The following MACROD2 variants were observed in gnomAD, a reference collection of about 807,000 sequenced individuals.
MACROD2 encodes ADP-ribose glycohydrolase MACROD2.
Under a neutral mutation model 70.4 loss-of-function variants are expected in MACROD2, and 36 were observed. The ratio of observed to expected loss-of-function variants is 0.51; its 90% confidence interval spans 0.39 to 0.68. The LOEUF (loss-of-function observed/expected upper bound fraction) is 0.68. MACROD2 is among the 30% of genes least tolerant of loss of function. MACROD2 has a pLI of 0.00. For synonymous variants in MACROD2, 172 were observed against 178.8 expected (o/e 0.96, Z 0.30); for missense variants, 496 against 538.4 (o/e 0.92, Z 0.78).
chr20:14,489,623 A>G (rs748245154), intron 3 of MACROD2, among the ~76,000 whole-genome samples: 16 of 152,172 alleles, frequency 1.1e-4, no homozygotes, highest in Non-Finnish European at 2.2e-4. Flanking sequence ...AATAAACTAA[A>G]CTAGGTGGTC....
intron 8 of MACROD2, among the ~76,000 whole-genome samples, chr20:15,813,675 A>T (rs1264966346): frequency 6.6e-6 from 1 of 152,170 alleles, no homozygotes; most frequent in Non-Finnish European, 1.5e-5. Flanking sequence ...GCTACCCAGG[A>T]GGCTGAGGTA....
chr20:14,056,544 G>A (rs1441142906), intron 2 of MACROD2, among the ~76,000 whole-genome samples: 2 of 151,622 alleles, frequency 1.3e-5, no homozygotes, highest in Admixed American at 6.6e-5. Context: ...TGCTGTTTTT[G>A]TTATTTTCTA....
chr20:14,303,293 G>C (rs919034029), intron 3 of MACROD2, among the ~76,000 whole-genome samples: 1 of 152,146 alleles, frequency 6.6e-6, no homozygotes, highest in Non-Finnish European at 1.5e-5. Context: ...GGGGATCAGC[G>C]GATCTTTTAA....
Position 14,766,085 on chromosome 20 carries a change from G to A in MACROD2, c.418+81126G>A, listed in dbSNP as rs570665186. Among the ~76,000 whole-genome samples the A allele has an allele frequency of 5.7e-4, 87 of 152,084 alleles. 1 individual carries two copies. Among genetic ancestry groups the A allele is most frequent in the African/African-American group, 2.0e-3 (82 of 41,440 alleles). On this transcript the variant is annotated intron_variant, in intron 5 of 17. Coordinates refer to ENST00000684519, the MANE Select transcript of MACROD2 (RefSeq NM_001351661.2). ...CCATTCACATTGCCCTCACACTTAC[G>A]ATTCACTAGAAAGCTGTTTATCTCA...
intron 7 of MACROD2, among the ~76,000 whole-genome samples, chr20:15,451,417 T>TAAA (rs35308671): frequency 0.26 from 21,583 of 83,328 alleles, 5,168 homozygotes; most frequent in Non-Finnish European, 0.36. Context: ...GGGTGGTAAA[T>TAAA]AAAAAAAAAA....
rs186713985 is a variant in MACROD2, at chr20:14,702,711, G to A, written c.418+17752G>A. The stretch of plus-strand genomic sequence containing the variant: ...TGTATATATATGTATATATATGTGT[G>A]TATATATATGTGTATATATATATAT... On this transcript the variant is annotated intron_variant, in intron 5 of 17. Transcript: ENST00000684519. 2.1e-3 allele frequency among the ~76,000 whole-genome samples: 303 copies of A among 141,512 alleles called. 5 individuals are homozygous for A. Among genetic ancestry groups the A allele is most frequent in the Middle Eastern group, 7.4e-3 (2 of 270 alleles). The allele number at this position is 141,512 out of a possible 152,430, so 92.8% of individuals were successfully genotyped here.
intron 5 of MACROD2, among the ~76,000 whole-genome samples, chr20:14,786,030 G>A (rs1369119008): frequency 2.0e-5 from 3 of 151,980 alleles, no homozygotes; most frequent in South Asian, 2.1e-4. Flanking sequence ...TAAAAAGAAG[G>A]GAAGAATGGC....
intron 13 of MACROD2, among the ~76,000 whole-genome samples, chr20:15,977,997 A>G (rs1377319627): frequency 6.6e-6 from 1 of 152,194 alleles, no homozygotes; most frequent in Non-Finnish European, 1.5e-5. Context: ...GTATCTAGGG[A>G]CAGTCTGGCA....
At chr20:15,019,528 C>A (rs1316190070) in intron 5 of MACROD2, among the ~76,000 whole-genome samples, 1 of 152,110 alleles carries the variant, frequency 6.6e-6, no homozygotes, top group Non-Finnish European at 1.5e-5. Flanking sequence ...AAGTTGGTAC[C>A]ACTTATGGCC....
chr20:15,622,342 C>T (rs537993594), intron 8 of MACROD2, among the ~76,000 whole-genome samples: 1 of 152,278 alleles, frequency 6.6e-6, no homozygotes, highest in South Asian at 2.1e-4. Context: ...AGCAGTGCCC[C>T]CTTATTTGTG....
chr20:15,531,244 C>T (rs1164688458), intron 8 of MACROD2, among the ~76,000 whole-genome samples: 1 of 151,388 alleles, frequency 6.6e-6, no homozygotes, highest in Non-Finnish European at 1.5e-5. Context: ...TTGTATTTTA[C>T]TTCTCTGAAA....
chr20:14,016,708 T>G (rs1412728032), intron 2 of MACROD2, among the ~76,000 whole-genome samples: 1 of 152,186 alleles, frequency 6.6e-6, no homozygotes, highest in African/African-American at 2.4e-5. Context: ...AAAAAAACAT[T>G]CTATTGATTT....
rs181537259 is a variant in MACROD2 at position 15,236,537 on chromosome 20, G to A, written c.540+6476G>A. ...ACTTGGTGCCAGGCACTGTGTTTTA[G>A]TCATTAATTCTCAAAACAATCCTGA... is the stretch of plus-strand genomic sequence containing the variant. On this transcript the variant is annotated intron_variant, in intron 6 of 17. Transcript: ENST00000684519. 6.6e-5 allele frequency among the ~76,000 whole-genome samples: 10 copies of A among 152,284 alleles called. No individual in the cohort carries two copies. In the East Asian group the frequency reaches 1.9e-3, roughly 29 times the overall value.
chr20:14,825,826 G>A (rs1032702662), intron 5 of MACROD2, among the ~76,000 whole-genome samples: 3 of 152,132 alleles, frequency 2.0e-5, no homozygotes, highest in Non-Finnish European at 4.4e-5. Context: ...GAGAGCATCC[G>A]TTGTGTTAAA....
At chr20:14,454,414 A>G (rs2084277043) in intron 3 of MACROD2, among the ~76,000 whole-genome samples, 1 of 140,680 alleles carries the variant, frequency 7.1e-6, no homozygotes, top group African/African-American at 2.6e-5. Context: ...TTTATTCCAC[A>G]TGAGTTTTTT....
chr20:14,480,862 C>A (rs1001423107), intron 3 of MACROD2, among the ~76,000 whole-genome samples: 1 of 151,798 alleles, frequency 6.6e-6, no homozygotes, highest in Admixed American at 6.6e-5. Context: ...TACTTACAGT[C>A]GATATAAATA....
At chr20:15,812,932 A>G (rs1412686586) in intron 8 of MACROD2, among the ~76,000 whole-genome samples, 1 of 152,218 alleles carries the variant, frequency 6.6e-6, no homozygotes, top group Non-Finnish European at 1.5e-5. Flanking sequence ...GAGAAATGAC[A>G]TATTAATCAT....
chr20:14,430,691 G>C (rs1219377668), intron 3 of MACROD2, among the ~76,000 whole-genome samples: 1 of 152,054 alleles, frequency 6.6e-6, no homozygotes, highest in South Asian at 2.1e-4. Context: ...TTTTGGTCAG[G>C]CCTATAGTGT....
chr20:14,418,124 T>C (rs910596506), intron 3 of MACROD2, among the ~76,000 whole-genome samples: 1 of 152,200 alleles, frequency 6.6e-6, no homozygotes, highest in Non-Finnish European at 1.5e-5. Context: ...TTCGAGCCTC[T>C]GAATTTTTGT....
Sources: allele counts gnomAD v4.1 joint callset (sites outside exome capture counted in the v4.1 genomes callset), GRCh38; gene constraint gnomAD v4.1.1; transcripts MANE v1.5; gene names NCBI Gene and HGNC (gene_info 2026-07-23, HGNC 2026-07-21).